Variants in PTBP3 observed in about 807,000 individuals in gnomAD.
PTBP3 encodes the protein polypyrimidine tract-binding protein 3.
A neutral mutation model predicts 58.7 loss-of-function variants in PTBP3; 20 were observed. The observed-to-expected ratio is 0.34, with a 90% CI of 0.24 to 0.50. PTBP3 has a LOEUF of 0.50. Among genes scored for constraint, PTBP3 ranks in the 20% least tolerant of loss-of-function variants. PTBP3 has a pLI of 0.98. For missense variants in PTBP3, 509 were observed against 637.2 expected (o/e 0.80, Z 2.17); for synonymous variants, 185 against 219.8 (o/e 0.84, Z 1.40).
intron 5 of PTBP3, 82 bp downstream of exon 5, chr9:112,262,353 T>C (rs1001240575): frequency 6.0e-6 from 7 of 1,173,074 alleles, no homozygotes; most frequent in South Asian, 1.7e-5. Flanking sequence ...ACCAATAAGC[T>C]AAACAACTTA....
At chr9:112,274,041 A>G (rs1424141943) in intron 3 of PTBP3, among the ~76,000 whole-genome samples, 1 of 152,182 alleles carries the variant, frequency 6.6e-6, no homozygotes, top group Non-Finnish European at 1.5e-5. Flanking sequence ...TGTTCAAATC[A>G]TGCAAACCAT....
chr9:112,289,917 T>TAAG (rs1451775195), intron 2 of PTBP3, among the ~76,000 whole-genome samples: 1 of 152,188 alleles, frequency 6.6e-6, no homozygotes, highest in Non-Finnish European at 1.5e-5. Flanking sequence ...TTCAGCTTCA[T>TAAG]AAGACATCAA....
chr9:112,340,317 C>T, the PTBP3 span, among the ~76,000 whole-genome samples: 1 of 152,170 alleles, frequency 6.6e-6, no homozygotes, highest in South Asian at 2.1e-4. Context: ...CTATATTCTT[C>T]CTCAGCATTA....
chr9:112,317,820 G>A (rs993805843), intron 1 of PTBP3, among the ~76,000 whole-genome samples: 1 of 152,002 alleles, frequency 6.6e-6, no homozygotes, highest in Admixed American at 6.6e-5. Context: ...GGTGGTGTGC[G>A]CCTATAATCC....
chr9:112,314,560 C>T (rs1222220367), intron 1 of PTBP3, among the ~76,000 whole-genome samples: 4 of 152,008 alleles, frequency 2.6e-5, no homozygotes, highest in Admixed American at 1.3e-4. Flanking sequence ...CCAGAGACAG[C>T]GGTGTGTACC....
chr9:112,298,366 A>T (rs1828780464), intron 1 of PTBP3, among the ~76,000 whole-genome samples: 1 of 152,130 alleles, frequency 6.6e-6, no homozygotes. Context: ...ATAATCAATA[A>T]CTTTTTATCC....
At chr9:112,320,314 A>ATATATATATATATATATATTTTTT in intron 1 of PTBP3, among the ~76,000 whole-genome samples, 9 of 75,678 alleles carry the variant, frequency 1.2e-4, no homozygotes, top group Admixed American at 1.7e-4. Context: ...ATATATATAT[A>ATATATATATATATATATATTTTTT]TTTTTTTTTA....
intron 4 of PTBP3, among the ~76,000 whole-genome samples, chr9:112,265,527 A>G (rs1166296989): frequency 6.6e-6 from 1 of 152,138 alleles, no homozygotes; most frequent in Non-Finnish European, 1.5e-5. Flanking sequence ...GTCTCCAAAA[A>G]CAAACAAAAA....
At position 112,250,911 on chromosome 9, in the gene PTBP3, C is replaced by A; in HGVS notation, c.802+18G>T. ...ACTTCAGAAAACTTGCTTTGTGACC[C>A]AAAAAAGAACTACTCACCAAAAGCA... On this transcript the variant is annotated intron_variant, in intron 7 of 13. Coordinates refer to ENST00000374257, the MANE Select transcript of PTBP3 (RefSeq NM_001163788.4). The A allele has an allele frequency of 2.7e-6, 4 of 1,474,852 alleles. No individual in the cohort carries two copies. Among genetic ancestry groups the A allele is most frequent in the South Asian group, 3.0e-5 (2 of 66,852 alleles). 91.4% of individuals were successfully genotyped at this position (1,474,852 alleles called of 1,614,324 possible). A position where few individuals can be genotyped will look rare whatever the true frequency, so the allele number is the denominator to read the frequency against.
rs375783669 is a variant in PTBP3 at position 112,223,692 on chromosome 9, CA to C, written c.*158del. 56,137 of 846,836 alleles carry C rather than the reference CA, an allele frequency of 0.066. 3 individuals carry two copies. Among genetic ancestry groups the C allele is most frequent in the Middle Eastern group, 0.072 (166 of 2,296 alleles). 52.5% of individuals were successfully genotyped at this position (846,836 alleles called of 1,614,324 possible). A position where few individuals can be genotyped will look rare whatever the true frequency, so the allele number is the denominator to read the frequency against. The stretch of plus-strand genomic sequence containing the variant: ...TTGACTGGCGGGGGCAGGGGGAATA[CA>C]AAAAAAAAAAATCCCTTGATTTTTA... On this transcript the variant is annotated 3_prime_UTR_variant, in exon 14 of 14. Coordinates refer to ENST00000374257, the MANE Select transcript of PTBP3 (RefSeq NM_001163788.4).
In PTBP3 at chr9:112,251,073, A is replaced by G. The variant is rs905602579; in HGVS notation, c.658T>C (p.Cys220Arg). The G allele has an allele frequency of 1.2e-6, 2 of 1,606,244 alleles. No homozygotes were observed. Among genetic ancestry groups the G allele is most frequent in the African/African-American group, 1.3e-5 (1 of 74,592 alleles). The change falls in exon 7 of 14, where the codon TGC (cysteine) becomes CGC (arginine). Residue 220 changes from cysteine (C) to arginine (R), a missense_variant. Physicochemically the swap from Cys to Arg is radical, Grantham distance 180 (BLOSUM62 -3). Transcript: ENST00000374257. The part of the protein sequence containing the change: ...ALDGQNIYNA[C>R]CTLRIDFSKL... ...GAGAAGTCAATGCGCAGAGTGCAGCATGCATTATAGATATTCTGGCCATCC... is the reference window on the plus strand; with the variant it reads ...GAGAAGTCAATGCGCAGAGTGCAGCGTGCATTATAGATATTCTGGCCATCC...
chr9:112,362,787 C>A, the PTBP3 span: 3 of 292,400 alleles, frequency 1.0e-5, no homozygotes, highest in South Asian at 1.2e-4. Context: ...CACCACCAGT[C>A]AGAACAATAT....
At chr9:112,333,827 G>GT (rs1830496360), upstream of PTBP3, among the ~76,000 whole-genome samples, 2 of 149,670 alleles carry the variant, frequency 1.3e-5, no homozygotes, top group Admixed American at 1.3e-4. Flanking sequence ...CGCGGTCGCT[G>GT]TAAGACCCCG....
At position 112,290,705 on chromosome 9, in the gene PTBP3, T is replaced by TACACAC. The variant is rs1418787518; in HGVS notation, c.34+7126_34+7127insGTGTGT. On this transcript the variant is annotated intron_variant, in intron 2 of 13. Transcript: ENST00000374257. ...AAAAAAAAATATATATATATATATATATACACACACACACACACACACACA... is the reference window on the plus strand; with the variant it reads ...AAAAAAAAATATATATATATATATATACACACATACACACACACACACACACACACA... 4.0e-3 allele frequency among the ~76,000 whole-genome samples: 295 copies of TACACAC among 72,970 alleles called. 1 individual carries two copies. The highest frequency in any genetic ancestry group is 0.012 in the African/African-American group (249 of 21,298). The allele number at this position is 72,970 out of a possible 152,430, so 47.9% of individuals were successfully genotyped here.
At chr9:112,370,581 G>A in the PTBP3 span, among the ~76,000 whole-genome samples, 1 of 152,040 alleles carries the variant, frequency 6.6e-6, no homozygotes, top group East Asian at 1.9e-4. Flanking sequence ...CTCCAATTGT[G>A]TTGTTCTTTT....
intron 7 of PTBP3, among the ~76,000 whole-genome samples, chr9:112,239,776 GA>G (rs1835571012): frequency 1.4e-5 from 2 of 144,570 alleles, no homozygotes; most frequent in Admixed American, 1.4e-4. Flanking sequence ...AGAAGAGAGG[GA>G]GGGGAGGGGA....
chr9:112,310,228 T>TG (rs1305286987), intron 1 of PTBP3, among the ~76,000 whole-genome samples: 1 of 152,230 alleles, frequency 6.6e-6, no homozygotes, highest in Non-Finnish European at 1.5e-5. Flanking sequence ...GCTGTGGCAA[T>TG]GTTTAAAAAC....
chr9:112,364,346 A>C, the PTBP3 span, among the ~76,000 whole-genome samples: 1 of 152,120 alleles, frequency 6.6e-6, no homozygotes, highest in East Asian at 1.9e-4. Flanking sequence ...CTAACCTTTT[A>C]TAAGTATTTT....
upstream of PTBP3, among the ~76,000 whole-genome samples, chr9:112,334,860 C>T (rs1403072484): frequency 2.0e-5 from 3 of 152,214 alleles, no homozygotes; most frequent in Non-Finnish European, 2.9e-5. Context: ...ATATTTTTGA[C>T]ATACAACTTT....
Sources: gnomAD v4.1 joint callset for allele counts (sites outside exome capture counted in the v4.1 genomes callset) on GRCh38, gnomAD v4.1.1 for gene constraint, MANE v1.5 for transcripts, NCBI Gene and HGNC (gene_info 2026-07-23, HGNC 2026-07-21) for gene names.